KLF13: variants seen among roughly 807,000 people sequenced by gnomAD.
KLF13 encodes KLF transcription factor 13.
A neutral mutation model predicts 16.7 loss-of-function variants in KLF13; 8 were observed. The ratio of observed to expected loss-of-function variants is 0.48; its 90% confidence interval spans 0.28 to 0.87. KLF13 has a LOEUF of 0.87. KLF13 is among the 40% of genes least tolerant of loss of function. KLF13 has a pLI of 0.10. For synonymous variants in KLF13, 245 were observed against 208.4 expected (o/e 1.18, Z -1.51); for missense variants, 447 against 452.2 (o/e 0.99, Z 0.10).
intron 1 of KLF13, among the ~76,000 whole-genome samples, chr15:31,423,176 C>CGTATATATACATATATATATACGT (rs149346729): frequency 1.2e-4 from 2 of 17,000 alleles, no homozygotes; most frequent in African/African-American, 1.0e-3. Context: ...TATATATATA[C>CGTATATATACATATATATATACGT]ATATATACGT....
At chr15:31,419,216 G>C (rs906150157) in intron 1 of KLF13, among the ~76,000 whole-genome samples, 19 of 152,070 alleles carry the variant, frequency 1.2e-4, no homozygotes, top group African/African-American at 4.6e-4. Context: ...AGAGTTGCCT[G>C]TTTTTCAAAA....
At chr15:31,378,813 A>G (rs1566826933), downstream of KLF13, among the ~76,000 whole-genome samples, 1 of 152,236 alleles carries the variant, frequency 6.6e-6, no homozygotes, top group East Asian at 1.9e-4. Context: ...TCTGCCTCTC[A>G]GGTTCGAACG....
chr15:31,404,798 C>G (rs76597340), downstream of KLF13: 1 of 152,356 alleles, frequency 6.6e-6, no homozygotes, highest in East Asian at 1.9e-4. Flanking sequence ...TTCATTCTTG[C>G]GGTCAGCGAG....
At position 31,329,237 on chromosome 15, in the gene KLF13, T is replaced by C. The variant is rs571440132; in HGVS notation, c.577+1448T>C. Among the ~76,000 whole-genome samples the C allele has an allele frequency of 2.0e-5, 3 of 150,142 alleles. No homozygotes were observed. The South Asian group carries it at 6.3e-4, about 32-fold the overall frequency. On this transcript the variant is annotated intron_variant, in intron 1 of 1. Transcript: ENST00000307145. ...GGTGGGAGTCAGTGTGGGCTCAGAGTTCAGCTCGGGACGCGGCTGCAGGGT... is the reference window on the plus strand; with the variant it reads ...GGTGGGAGTCAGTGTGGGCTCAGAGCTCAGCTCGGGACGCGGCTGCAGGGT...
At chr15:31,335,599 A>AGGGG (rs1176921625) in intron 1 of KLF13, among the ~76,000 whole-genome samples, 1 of 152,122 alleles carries the variant, frequency 6.6e-6, no homozygotes, top group Non-Finnish European at 1.5e-5. Flanking sequence ...CACACTTGGC[A>AGGGG]GGGGGAGTAT....
At chr15:31,388,222 G>A (rs898337942), upstream of KLF13, among the ~76,000 whole-genome samples, 1 of 152,162 alleles carries the variant, frequency 6.6e-6, no homozygotes, top group Admixed American at 6.5e-5. Flanking sequence ...TTGTTTGTTT[G>A]TTTTCCCTTC....
chr15:31,397,876 G>GA (rs112300555), intron 2 of KLF13, among the ~76,000 whole-genome samples: 11 of 149,632 alleles, frequency 7.4e-5, no homozygotes, highest in Admixed American at 5.3e-4. Flanking sequence ...GGTGGCGGCG[G>GA]GGGGGGTGGT....
chr15:31,358,759 T>C (rs1595470501), intron 1 of KLF13, among the ~76,000 whole-genome samples: 2 of 152,312 alleles, frequency 1.3e-5, no homozygotes, highest in Admixed American at 6.5e-5. Flanking sequence ...TCAGAAAATA[T>C]CTGAAGAGGT....
Position 31,345,079 on chromosome 15 carries a change from G to A in KLF13, c.577+17290G>A, listed in dbSNP as rs557820897. Among the ~76,000 whole-genome samples the A allele has an allele frequency of 3.3e-5, 5 of 152,324 alleles. No homozygotes were observed. The East Asian group carries it at 7.7e-4, about 24-fold the overall frequency. On this transcript the variant is annotated intron_variant, in intron 1 of 1. Transcript: ENST00000307145. ...CTGAGGGTGCCACCCTGGCCTCCCC[G>A]CCTTTGAGCAGGTGGGGGTTGGGTC...
At chr15:31,335,466 T>C (rs1373386661) in intron 1 of KLF13, among the ~76,000 whole-genome samples, 1 of 76,014 alleles carries the variant, frequency 1.3e-5, no homozygotes, top group African/African-American at 5.8e-5. Context: ...TGTGTGTGTG[T>C]GTGTGTGTGT....
intron 1 of KLF13, among the ~76,000 whole-genome samples, chr15:31,356,112 T>A (rs1328961635): frequency 1.3e-5 from 2 of 152,164 alleles, no homozygotes; most frequent in African/African-American, 4.8e-5. Flanking sequence ...GGGTTTGATG[T>A]TCTTATTTCA....
Position 31,374,575 on chromosome 15 carries a change from C to A in KLF13, c.*2276C>A. ...GCCACACTCTGAATACATTTTATGT[C>A]TCAGGAATTCACATTCCAGGTTCAG... On this transcript the variant is annotated 3_prime_UTR_variant, in exon 2 of 2. Coordinates refer to ENST00000307145, the MANE Select transcript of KLF13 (RefSeq NM_015995.4). 1 of 152,686 alleles carries A rather than the reference C, an allele frequency of 6.5e-6. No individual in the cohort carries two copies. Among genetic ancestry groups the A allele is most frequent in the Non-Finnish European group, 1.5e-5 (1 of 68,022 alleles). 9.5% of individuals were successfully genotyped at this position (152,686 alleles called of 1,614,324 possible). A position where few individuals can be genotyped will look rare whatever the true frequency, so the allele number is the denominator to read the frequency against.
chr15:31,407,650 AAG>A (rs2040145049), downstream of KLF13, among the ~76,000 whole-genome samples: 1 of 152,238 alleles, frequency 6.6e-6, no homozygotes, highest in Non-Finnish European at 1.5e-5. Flanking sequence ...AATCAAGAAA[AAG>A]AAAAATAAAG....
chr15:31,398,232 G>A (rs909027978), intron 2 of KLF13, among the ~76,000 whole-genome samples: 3 of 152,162 alleles, frequency 2.0e-5, no homozygotes, highest in Non-Finnish European at 4.4e-5. Flanking sequence ...GTTGAAAGGA[G>A]CCCAGGCCTC....
chr15:31,367,047 C>T (rs145464110), intron 1 of KLF13, among the ~76,000 whole-genome samples: 123 of 152,336 alleles, frequency 8.1e-4, no homozygotes, highest in African/African-American at 2.5e-3. Context: ...CAGTGGCTCC[C>T]GCCCACATAC....
At chr15:31,364,817 T>A (rs956654296) in intron 1 of KLF13, among the ~76,000 whole-genome samples, 3 of 152,226 alleles carry the variant, frequency 2.0e-5, no homozygotes, top group African/African-American at 7.2e-5. Context: ...TGCGAAGCCA[T>A]GTGCATGTCA....
intron 1 of KLF13, among the ~76,000 whole-genome samples, chr15:31,350,563 C>T (rs1232116628): frequency 1.3e-5 from 2 of 152,190 alleles, no homozygotes; most frequent in Non-Finnish European, 2.9e-5. Flanking sequence ...GAAATGACAC[C>T]CAAGCCTTGG....
At position 31,422,135 on chromosome 15, in the gene KLF13, A is replaced by AC. The variant is rs1555383213; in HGVS notation, n.118-13235_118-13234insC. Reference sequence around the variant, plus strand: ...ATCTCAAAAACAAACAAACAAACAAAAAAAAAAAAAAAAGAAAAAAGAAAT... The same window carrying AC: ...ATCTCAAAAACAAACAAACAAACAAACAAAAAAAAAAAAAGAAAAAAGAAAT... On this transcript the variant is annotated intron_variant and non_coding_transcript_variant, in intron 1 of 1. Coordinates refer to the KLF13 transcript ENST00000558225. 8.6e-3 allele frequency among the ~76,000 whole-genome samples: 1,063 copies of AC among 123,232 alleles called. 5 individuals are homozygous for AC. The highest frequency in any genetic ancestry group is 0.013 in the Non-Finnish European group (752 of 58,036). The allele number at this position is 123,232 out of a possible 152,430, so 80.8% of individuals were successfully genotyped here.
At chr15:31,401,230 C>A (rs950286099) in intron 2 of KLF13, among the ~76,000 whole-genome samples, 3 of 152,208 alleles carry the variant, frequency 2.0e-5, no homozygotes, top group African/African-American at 7.2e-5. Flanking sequence ...GAACTCCTGA[C>A]CTCAGGTGAT....
Sources: gnomAD v4.1 joint callset for allele counts (sites outside exome capture counted in the v4.1 genomes callset) on GRCh38, gnomAD v4.1.1 for gene constraint, MANE v1.5 for transcripts, NCBI Gene and HGNC (gene_info 2026-07-23, HGNC 2026-07-21) for gene names.